LINGO2: variants seen among roughly 807,000 people sequenced by gnomAD.
The protein encoded by LINGO2 is leucine rich repeat and Ig domain containing 2.
Under a neutral mutation model 30.6 loss-of-function variants are expected in LINGO2, and 14 were observed. The ratio of observed to expected loss-of-function variants is 0.46; its 90% confidence interval spans 0.30 to 0.72. LINGO2 has a LOEUF of 0.72. Ranked by LOEUF, LINGO2 falls within the 30% of genes least tolerant of loss-of-function variation. The pLI is 0.07. For synonymous variants in LINGO2, 317 were observed against 288.5 expected (o/e 1.10, Z -1.00); for missense variants, 729 against 751.7 (o/e 0.97, Z 0.35).
At chr9:28,730,306 A>T in the LINGO2 span, among the ~76,000 whole-genome samples, 1 of 152,202 alleles carries the variant, frequency 6.6e-6, no homozygotes, top group African/African-American at 2.4e-5. Context: ...CAGGAATGTG[A>T]TCATGAGACT....
chr9:28,055,139 A>T (rs1263269774), intron 4 of LINGO2, among the ~76,000 whole-genome samples: 1 of 152,194 alleles, frequency 6.6e-6, no homozygotes, highest in Non-Finnish European at 1.5e-5. Context: ...CAAAATGCTG[A>T]AGTCTTTTGT....
chr9:27,976,407 T>C (rs1466893714), intron 5 of LINGO2, among the ~76,000 whole-genome samples: 2 of 152,074 alleles, frequency 1.3e-5, no homozygotes, highest in Non-Finnish European at 2.9e-5. Context: ...TGGGAGAAAG[T>C]GTCCCTCCAT....
intron 5 of LINGO2, among the ~76,000 whole-genome samples, chr9:27,958,426 A>G (rs1025114576): frequency 1.3e-5 from 2 of 152,160 alleles, no homozygotes; most frequent in Admixed American, 6.5e-5. Flanking sequence ...ATGTATCTAT[A>G]TACTTTTAGT....
chr9:28,304,816 T>G (rs991626671), intron 3 of LINGO2, among the ~76,000 whole-genome samples: 1 of 151,836 alleles, frequency 6.6e-6, no homozygotes, highest in Non-Finnish European at 1.5e-5. Context: ...TAGCATGGAG[T>G]ATGTCGAAGA....
rs12238133 is a variant in LINGO2, at chr9:28,265,751, A to C, written c.-87+29457T>G. 0.016 allele frequency among the ~76,000 whole-genome samples: 2,446 copies of C among 152,084 alleles called. 139 individuals are homozygous for C. In the East Asian group the frequency reaches 0.19, roughly 12 times the overall value. On this transcript the variant is annotated intron_variant, in intron 4 of 5. Transcript: ENST00000379992. ...TTCTTGAAACTTTTCTGTATGTTTA[A>C]ATTTATTTCTAACACAATGTTTTAA...
intron 4 of LINGO2, among the ~76,000 whole-genome samples, chr9:28,184,219 C>A (rs1819460163): frequency 6.6e-6 from 1 of 152,106 alleles, no homozygotes; most frequent in African/African-American, 2.4e-5. Context: ...AAAAGTCCAA[C>A]AATGCTCATA....
chr9:28,621,553 T>C (rs10968684), intron 1 of LINGO2, among the ~76,000 whole-genome samples: 7 of 151,914 alleles, frequency 4.6e-5, no homozygotes, highest in Non-Finnish European at 8.8e-5. Context: ...ATAAATAGAA[T>C]ATACTCATAT....
the LINGO2 span, among the ~76,000 whole-genome samples, chr9:28,990,665 G>A: frequency 6.6e-6 from 1 of 152,118 alleles, no homozygotes; most frequent in Non-Finnish European, 1.5e-5. Flanking sequence ...AAAACTTCCA[G>A]AGGAACGATC....
At chr9:28,723,959 T>C in the LINGO2 span, among the ~76,000 whole-genome samples, 1 of 152,164 alleles carries the variant, frequency 6.6e-6, no homozygotes, top group East Asian at 1.9e-4. Flanking sequence ...TTCTTTTTTT[T>C]CCCAGTGACA....
At chr9:28,858,920 C>A in the LINGO2 span, among the ~76,000 whole-genome samples, 1 of 151,966 alleles carries the variant, frequency 6.6e-6, no homozygotes, top group Non-Finnish European at 1.5e-5. Context: ...TTTCCCCTTG[C>A]GTGTTGCAAA....
the LINGO2 span, among the ~76,000 whole-genome samples, chr9:29,085,988 T>G: frequency 6.6e-6 from 1 of 152,134 alleles, no homozygotes. Flanking sequence ...AACAGAGGCT[T>G]GTACTTGCTT....
chr9:28,032,049 GA>G (rs1290774433), intron 4 of LINGO2, among the ~76,000 whole-genome samples: 24 of 143,718 alleles, frequency 1.7e-4, no homozygotes, highest in Admixed American at 3.5e-4. Flanking sequence ...GGTGGGGGGG[GA>G]AAGCCTCACT....
At chr9:28,018,137 G>A (rs770058709) in intron 4 of LINGO2, among the ~76,000 whole-genome samples, 1 of 152,082 alleles carries the variant, frequency 6.6e-6, no homozygotes, top group African/African-American at 2.4e-5. Context: ...AATGGTGCTG[G>A]GCTGACTGGC....
At chr9:28,909,633 A>G in the LINGO2 span, among the ~76,000 whole-genome samples, 1 of 152,020 alleles carries the variant, frequency 6.6e-6, no homozygotes, top group South Asian at 2.1e-4. Flanking sequence ...ATTCACAAAC[A>G]TATTGCATCT....
intron 4 of LINGO2, among the ~76,000 whole-genome samples, chr9:28,195,824 G>A (rs1437457559): frequency 6.6e-6 from 1 of 151,154 alleles, no homozygotes; most frequent in Non-Finnish European, 1.5e-5. Flanking sequence ...TTCACAGCAT[G>A]GAAAAAAAGA....
the LINGO2 span, among the ~76,000 whole-genome samples, chr9:28,929,511 G>A: frequency 6.5e-4 from 99 of 152,238 alleles, 1 homozygote; most frequent in South Asian, 0.02. Context: ...CCCAGAAAAT[G>A]GACAAGGAAC....
chr9:28,646,715 T>A (rs563454612), intron 1 of LINGO2, among the ~76,000 whole-genome samples: 1 of 152,114 alleles, frequency 6.6e-6, no homozygotes, highest in Admixed American at 6.6e-5. Flanking sequence ...TAATTTCTTA[T>A]GAAATGTCAC....
At chr9:28,393,762 AG>A (rs1821931191) in intron 2 of LINGO2, among the ~76,000 whole-genome samples, 1 of 152,162 alleles carries the variant, frequency 6.6e-6, no homozygotes, top group East Asian at 1.9e-4. Flanking sequence ...CTTTCTTCAG[AG>A]TTTGGTCTGC....
chr9:28,343,250 C>G (rs902780031), intron 3 of LINGO2, among the ~76,000 whole-genome samples: 1 of 152,134 alleles, frequency 6.6e-6, no homozygotes, highest in Non-Finnish European at 1.5e-5. Context: ...TAAACCTACA[C>G]TTTGCTTATA....
Sources: gnomAD v4.1 joint callset for allele counts (sites outside exome capture counted in the v4.1 genomes callset) on GRCh38, gnomAD v4.1.1 for gene constraint, MANE v1.5 for transcripts, NCBI Gene and HGNC (gene_info 2026-07-23, HGNC 2026-07-21) for gene names.